The following IRAK2 variants were observed in gnomAD, a reference collection of about 807,000 sequenced individuals.
The protein encoded by IRAK2 is interleukin-1 receptor-associated kinase-like 2.
Under a neutral mutation model 72.0 loss-of-function variants are expected in IRAK2, and 57 were observed. The ratio of observed to expected loss-of-function variants is 0.79; its 90% CI spans 0.64 to 0.99. The LOEUF (loss-of-function observed/expected upper bound fraction) is 0.99. Ranked by LOEUF, IRAK2 falls within the 50% of genes least tolerant of loss-of-function variation. The pLI is 0.00. For missense variants in IRAK2, 790 were observed against 794.4 expected (o/e 0.99, Z 0.07); for synonymous variants, 293 against 312.7 (o/e 0.94, Z 0.67).
In IRAK2 at chr3:10,185,369, C is replaced by T. The variant is rs553063847; in HGVS notation, c.277+7349C>T. 1.3e-4 allele frequency among the ~76,000 whole-genome samples: 20 copies of T among 150,306 alleles called. No individual in the cohort carries two copies. In the South Asian group the frequency reaches 4.2e-3, roughly 31 times the overall value. On this transcript the variant is annotated intron_variant, in intron 2 of 12. Transcript: ENST00000256458. The stretch of plus-strand genomic sequence containing the variant: ...GGTCGGGAGTTCGGGACCAGCCTGA[C>T]CAACATGGAGAAACCCTGTCTCTAC...
chr3:10,198,031 C>G (rs1285974799), intron 2 of IRAK2, among the ~76,000 whole-genome samples: 1 of 151,340 alleles, frequency 6.6e-6, no homozygotes, highest in African/African-American at 2.4e-5. Context: ...AACCCTGTCT[C>G]TACTAAAAAT....
chr3:10,186,677 C>A (rs1369943271), intron 2 of IRAK2, among the ~76,000 whole-genome samples: 2 of 151,556 alleles, frequency 1.3e-5, no homozygotes, highest in Non-Finnish European at 2.9e-5. Context: ...AGGTTAGTAC[C>A]ACAGTCTTCC....
chr3:10,210,472 T>C (rs568313555), intron 4 of IRAK2, among the ~76,000 whole-genome samples: 12 of 152,330 alleles, frequency 7.9e-5, no homozygotes, highest in Admixed American at 7.2e-4. Context: ...AGTCCATTTA[T>C]TTTCTTCTGA....
At chr3:10,183,402 T>C (rs1161458103) in intron 2 of IRAK2, among the ~76,000 whole-genome samples, 1 of 152,156 alleles carries the variant, frequency 6.6e-6, no homozygotes, top group Non-Finnish European at 1.5e-5. Flanking sequence ...GTTATTTAAT[T>C]TGTCAAACAC....
At chr3:10,221,628 C>G (rs747042739) in intron 8 of IRAK2, among the ~76,000 whole-genome samples, 4 of 151,730 alleles carry the variant, frequency 2.6e-5, no homozygotes, top group African/African-American at 9.7e-5. Flanking sequence ...CTCAGCTCAC[C>G]GCAGCTTCCC....
chr3:10,234,748 A>C, intron 11 of IRAK2, 89 bp downstream of exon 11: 1 of 1,154,726 alleles, frequency 8.7e-7, no homozygotes, highest in Non-Finnish European at 1.2e-6. Flanking sequence ...CCTGGTGCAC[A>C]AACCAGGGTT....
At chr3:10,189,621 T>G (rs1056763081) in intron 2 of IRAK2, among the ~76,000 whole-genome samples, 1 of 152,240 alleles carries the variant, frequency 6.6e-6, no homozygotes, top group African/African-American at 2.4e-5. Context: ...CAGTTTCTTC[T>G]TGGTTGTGCA....
At chr3:10,219,573 C>G in intron 7 of IRAK2, 107 bp from the exon 8 acceptor site, 1 of 745,708 alleles carries the variant, frequency 1.3e-6, no homozygotes, top group Non-Finnish European at 2.3e-6. Flanking sequence ...CTGCCTGGGC[C>G]TCCCAGTGTG....
intron 9 of IRAK2, among the ~76,000 whole-genome samples, chr3:10,223,591 C>G (rs960929565): frequency 2.0e-5 from 3 of 152,358 alleles, no homozygotes; most frequent in Non-Finnish European, 1.5e-5. Context: ...AAGATTAATT[C>G]AAGCTGGTTG....
intron 1 of IRAK2, among the ~76,000 whole-genome samples, chr3:10,165,497 C>CATAT (rs377757158): frequency 1.2e-3 from 180 of 150,806 alleles, no homozygotes; most frequent in African/African-American, 4.1e-3. Context: ...TATGATTTAA[C>CATAT]ATATATATAT....
At chr3:10,181,616 A>C (rs1334829945) in intron 2 of IRAK2, among the ~76,000 whole-genome samples, 2 of 152,088 alleles carry the variant, frequency 1.3e-5, no homozygotes, top group Non-Finnish European at 2.9e-5. Context: ...AATAACCCTG[A>C]CAAATAGAAC....
At chr3:10,209,038 T>A (rs1697477435) in intron 3 of IRAK2, among the ~76,000 whole-genome samples, 1 of 152,040 alleles carries the variant, frequency 6.6e-6, no homozygotes, top group Non-Finnish European at 1.5e-5. Flanking sequence ...CGTTTCTCCA[T>A]ATTTCAAGCC....
chr3:10,209,131 G>A (rs1367511292), intron 3 of IRAK2, among the ~76,000 whole-genome samples: 3 of 152,136 alleles, frequency 2.0e-5, no homozygotes, highest in Non-Finnish European at 2.9e-5. Context: ...TCGCTCTCCC[G>A]TGGGATGTAT....
chr3:10,183,670 A>C (rs998424317), intron 2 of IRAK2, among the ~76,000 whole-genome samples: 1 of 152,148 alleles, frequency 6.6e-6, no homozygotes, highest in Non-Finnish European at 1.5e-5. Context: ...GCAGTGAGCC[A>C]AGATGGCACC....
In IRAK2 at chr3:10,242,120, A is replaced by G. The variant is rs944057923; in HGVS notation, c.1770A>G (p.Thr590=). The G allele has an allele frequency of 2.5e-6, 4 of 1,601,028 alleles. No homozygotes were observed. The African/African-American group carries it at 4.0e-5, about 16-fold the overall frequency. Residue 590 remains threonine (T), a synonymous_variant, in exon 13 of 13, where the codon ACA becomes ACG. Transcript: ENST00000256458. ...TTGCTTTCTGTTGAACATCAGTTACAGAAACTTCGTGGCAAATTGAGATCA... is the reference window on the plus strand; with the variant it reads ...TTGCTTTCTGTTGAACATCAGTTACGGAAACTTCGTGGCAAATTGAGATCA... ...CVGLEPPQDV[T]ETSWQIEINE... is the part of the protein sequence containing the mutation.
chr3:10,165,670 A>G (rs1166082013), intron 1 of IRAK2, among the ~76,000 whole-genome samples: 1 of 104,196 alleles, frequency 9.6e-6, no homozygotes, highest in South Asian at 2.9e-4. Flanking sequence ...AATTTTTTGT[A>G]TTTTCAGTAG....
At chr3:10,220,813 C>T (rs952751841) in intron 8 of IRAK2, among the ~76,000 whole-genome samples, 11 of 152,064 alleles carry the variant, frequency 7.2e-5, no homozygotes, top group Admixed American at 7.2e-4. Context: ...TGAGAGAGGT[C>T]ACCACTAACC....
At chr3:10,236,472 C>T (rs1349710536) in intron 11 of IRAK2, among the ~76,000 whole-genome samples, 1 of 151,682 alleles carries the variant, frequency 6.6e-6, no homozygotes, top group South Asian at 2.1e-4. Flanking sequence ...CTCAGCCTCC[C>T]GAGTAGCTGA....
At chr3:10,218,633 C>T (rs1697642298) in intron 7 of IRAK2, among the ~76,000 whole-genome samples, 1 of 152,086 alleles carries the variant, frequency 6.6e-6, no homozygotes, top group Non-Finnish European at 1.5e-5. Context: ...TCCCATCCAG[C>T]TTCTTTTAGA....
Sources: allele counts gnomAD v4.1 joint callset (sites outside exome capture counted in the v4.1 genomes callset), GRCh38; gene constraint gnomAD v4.1.1; transcripts MANE v1.5; gene names NCBI Gene and HGNC (gene_info 2026-07-23, HGNC 2026-07-21).